COBL: variants seen among roughly 807,000 people sequenced by gnomAD.
COBL encodes the protein cordon-bleu WH2 repeat protein, also known as protein cordon-bleu.
COBL carries 51 observed loss-of-function variants against 98.8 expected under a neutral mutation model. The ratio of observed to expected loss-of-function variants is 0.52; its 90% CI spans 0.41 to 0.65. The LOEUF (loss-of-function observed/expected upper bound fraction) is 0.65, where lower values mean the gene tolerates loss of function less well. Among genes scored for constraint, COBL ranks in the 30% least tolerant of loss-of-function variants. COBL has a pLI of 0.00. For missense variants in COBL, 1,617 were observed against 1,617.5 expected (o/e 1.00, Z 0.01); for synonymous variants, 634 against 651.7 (o/e 0.97, Z 0.41).
chr7:51,203,410 C>T (rs1429058425), intron 2 of COBL, among the ~76,000 whole-genome samples: 2 of 102,606 alleles, frequency 1.9e-5, no homozygotes, highest in Admixed American at 2.1e-4. Context: ...TGCAGTGAGC[C>T]GAGATCGCGC....
At chr7:51,158,128 A>G (rs1319085964) in intron 5 of COBL, among the ~76,000 whole-genome samples, 1 of 152,244 alleles carries the variant, frequency 6.6e-6, no homozygotes, top group Non-Finnish European at 1.5e-5. Flanking sequence ...CAATGCAGCA[A>G]ATGTAGCTAA....
At chr7:51,093,461 T>C (rs918286291) in intron 6 of COBL, among the ~76,000 whole-genome samples, 2 of 152,156 alleles carry the variant, frequency 1.3e-5, no homozygotes, top group Non-Finnish European at 2.9e-5. Context: ...AAACTAAAAA[T>C]AGAACTACCG....
At chr7:51,244,985 G>A (rs1269674216) in intron 1 of COBL, among the ~76,000 whole-genome samples, 1 of 152,126 alleles carries the variant, frequency 6.6e-6, no homozygotes, top group Non-Finnish European at 1.5e-5. Flanking sequence ...CTCGCTAGCT[G>A]AGACTGTTCT....
At chr7:51,142,864 C>T (rs143059498) in intron 5 of COBL, among the ~76,000 whole-genome samples, 211 of 152,150 alleles carry the variant, frequency 1.4e-3, no homozygotes, top group African/African-American at 4.6e-3. Context: ...AGGAAATGAG[C>T]CCCGGGGTGC....
chr7:51,311,449 T>A (rs1333531095), intron 1 of COBL, among the ~76,000 whole-genome samples: 2 of 152,234 alleles, frequency 1.3e-5, no homozygotes, highest in African/African-American at 2.4e-5. Flanking sequence ...CAGCAAACTC[T>A]AGTCTAGAAT....
intron 1 of COBL, among the ~76,000 whole-genome samples, chr7:51,239,173 G>C: frequency 6.6e-6 from 1 of 152,138 alleles, no homozygotes; most frequent in Non-Finnish European, 1.5e-5. Flanking sequence ...ATCTCGAATA[G>C]GGGCTGGGTA....
chr7:51,062,267 G>GTC (rs146409423), intron 7 of COBL, among the ~76,000 whole-genome samples: 3,442 of 148,962 alleles, frequency 0.023, 115 homozygotes, highest in African/African-American at 0.066. Flanking sequence ...AACAGTTCAT[G>GTC]TCTCTCTCTC....
In COBL at chr7:51,016,884, C is replaced by A; in HGVS notation, c.*667G>T. ...CGGGCATGCCCTGGCCACATGATCA[C>A]GTAGGACTGTTTTCTGGGTGGTAAT... On this transcript the variant is annotated 3_prime_UTR_variant, in exon 13 of 13. Transcript: ENST00000265136. The A allele has an allele frequency of 2.5e-6, 1 of 399,588 alleles. No individual in the cohort carries two copies. The highest frequency in any genetic ancestry group is 3.6e-5 in the East Asian group (1 of 28,120). The allele number at this position is 399,588 out of a possible 1,614,324, so 24.8% of individuals were successfully genotyped here.
intron 1 of COBL, among the ~76,000 whole-genome samples, chr7:51,260,568 G>A (rs2129147559): frequency 6.6e-6 from 1 of 152,352 alleles, no homozygotes; most frequent in Admixed American, 6.5e-5. Flanking sequence ...TGCTCGTGGA[G>A]CAGATGCTCT....
In COBL at chr7:51,172,594, T is replaced by C. The variant is rs1007488934; in HGVS notation, c.783+11508A>G. 82 of 1,192,116 alleles carry C rather than the reference T, an allele frequency of 6.9e-5. 2 individuals are homozygous for C. Among genetic ancestry groups the C allele is most frequent in the South Asian group, 4.8e-4 (34 of 70,790 alleles). 73.8% of individuals were successfully genotyped at this position (1,192,116 alleles called of 1,614,324 possible). On this transcript the variant is annotated intron_variant, in intron 5 of 12. Transcript: ENST00000265136. ...AAGTTCAGACAGAAAACATAGTCCTTAGCGATCATTAAGGCAAAAATGCCA... is the reference window on the plus strand; with the variant it reads ...AAGTTCAGACAGAAAACATAGTCCTCAGCGATCATTAAGGCAAAAATGCCA...
intron 1 of COBL, among the ~76,000 whole-genome samples, chr7:51,316,086 G>C (rs1563160524): frequency 6.6e-6 from 1 of 152,182 alleles, no homozygotes; most frequent in Non-Finnish European, 1.5e-5. Context: ...CTGCGAAGCC[G>C]GGGAGCCCTC....
chr7:51,290,098 T>A (rs1800746215), intron 1 of COBL, among the ~76,000 whole-genome samples: 1 of 152,164 alleles, frequency 6.6e-6, no homozygotes, highest in Non-Finnish European at 1.5e-5. Flanking sequence ...AGCAGTAACC[T>A]TAGGGTGGTC....
In COBL at chr7:51,219,797, C is replaced by G. The variant is rs559644563; in HGVS notation, c.189G>C (p.Met63Ile). Residue 63 changes from methionine (M) to isoleucine (I), a missense_variant, in exon 2 of 13, where the codon ATG becomes ATC. By Grantham distance (10) the Met-to-Ile change is conservative (BLOSUM62 1). Around this residue, in one of 3 missense-constraint regions of COBL, gnomAD observed 238 missense variants for 215.0 expected, o/e 1.11. Coordinates refer to ENST00000265136, the MANE Select transcript of COBL (RefSeq NM_015198.5). ...CACTAGGCAGGACCACGGTGACGTCCATGGTGCTGGCCCTCAGCGCCTCCT... is the reference window on the plus strand; with the variant it reads ...CACTAGGCAGGACCACGGTGACGTCGATGGTGCTGGCCCTCAGCGCCTCCT... ...RMKEALRAST[M>I]DVTVVLPSGL... 6.2e-7 allele frequency: 1 copy of G among 1,614,184 alleles called. No homozygotes were observed. Among genetic ancestry groups the G allele is most frequent in the Non-Finnish European group, 8.5e-7 (1 of 1,180,050 alleles).
intron 12 of COBL, among the ~76,000 whole-genome samples, chr7:51,021,781 C>T (rs1230686974): frequency 6.6e-6 from 1 of 152,198 alleles, no homozygotes; most frequent in African/African-American, 2.4e-5. Context: ...AGAAAAGTGC[C>T]ATCTAACCAG....
chr7:51,296,703 T>C (rs1047810734), intron 1 of COBL, among the ~76,000 whole-genome samples: 1 of 152,204 alleles, frequency 6.6e-6, no homozygotes, highest in Non-Finnish European at 1.5e-5. Context: ...ATGTTGCTGA[T>C]TACTCACAGG....
chr7:51,017,866 C>T (rs1276385430), intron 12 of COBL, among the ~76,000 whole-genome samples: 1 of 152,176 alleles, frequency 6.6e-6, no homozygotes, highest in Non-Finnish European at 1.5e-5. Flanking sequence ...GAGGACACTG[C>T]CTCTTGGGCT....
chr7:51,124,624 G>A (rs536452884), intron 6 of COBL, among the ~76,000 whole-genome samples: 229 of 152,212 alleles, frequency 1.5e-3, no homozygotes, highest in Middle Eastern at 3.4e-3. Context: ...CACCTATGTC[G>A]TAATCTACCC....
intron 8 of COBL, among the ~76,000 whole-genome samples, chr7:51,039,354 T>C (rs76056822): frequency 0.015 from 2,242 of 152,312 alleles, 42 homozygotes; most frequent in African/African-American, 0.051. Context: ...AAGTTCACCT[T>C]GAGTCTGGGC....
intron 2 of COBL, among the ~76,000 whole-genome samples, chr7:51,213,533 C>T (rs1043520487): frequency 3.9e-5 from 6 of 152,110 alleles, no homozygotes; most frequent in African/African-American, 1.4e-4. Context: ...ACAGGCAGTT[C>T]GTGCTGACGG....
Sources: allele counts gnomAD v4.1 joint callset (sites outside exome capture counted in the v4.1 genomes callset), GRCh38; gene constraint gnomAD v4.1.1; regional missense constraint gnomAD v4.1.1; transcripts MANE v1.5; gene names NCBI Gene and HGNC (gene_info 2026-07-23, HGNC 2026-07-21).